TNIP1: variants seen among roughly 807,000 people sequenced by gnomAD.
TNIP1 encodes TNFAIP3-interacting protein 1.
Under a neutral mutation model 86.6 loss-of-function variants are expected in TNIP1, and 22 were observed. The observed-to-expected ratio is 0.25, with a 90% CI of 0.18 to 0.36. TNIP1 has a LOEUF of 0.36. Among genes scored for constraint, TNIP1 ranks in the 10% least tolerant of loss-of-function variants. The pLI is 1.00. For missense variants in TNIP1, 709 were observed against 820.6 expected (o/e 0.86, Z 1.66); for synonymous variants, 294 against 313.0 (o/e 0.94, Z 0.64).
intron 6 of TNIP1, among the ~76,000 whole-genome samples, chr5:151,056,168 A>G (rs1760632758): frequency 6.6e-6 from 1 of 152,220 alleles, no homozygotes; most frequent in East Asian, 1.9e-4. Flanking sequence ...AAGGGTCACT[A>G]CTGGAACCAA....
intron 1 of TNIP1, among the ~76,000 whole-genome samples, chr5:151,067,626 A>G (rs1208216503): frequency 6.6e-6 from 1 of 152,190 alleles, no homozygotes; most frequent in East Asian, 1.9e-4. Context: ...TTCTTACTCA[A>G]TGTCTGCCTT....
In TNIP1 at chr5:151,049,855, G is replaced by A; in HGVS notation, c.815C>T (p.Thr272Ile). 6.2e-7 allele frequency: 1 copy of A among 1,614,180 alleles called. No homozygotes were observed. The highest frequency in any genetic ancestry group is 8.5e-7 in the Non-Finnish European group (1 of 1,180,024). Residue 272 changes from threonine to isoleucine, a missense_variant, in exon 8 of 18, where the codon ACA (threonine) becomes ATA (isoleucine). Physicochemically the swap from Thr to Ile is moderately conservative, Grantham distance 89 (BLOSUM62 -1). Coordinates refer to ENST00000521591, the MANE Select transcript of TNIP1 (RefSeq NM_006058.5). ...GRPGSPKMEG[T>I]GKKAVAGQQQ... is the part of the protein sequence containing the mutation. ...CTGTCCAGCCACTGCCTTCTTGCCT[G>A]TCCCTTCCATCTTCGGTGAGCCTGG...
chr5:151,061,732 C>T (rs900786750), intron 4 of TNIP1, among the ~76,000 whole-genome samples: 4 of 152,206 alleles, frequency 2.6e-5, no homozygotes, highest in African/African-American at 9.6e-5. Context: ...CCTGCCTCAG[C>T]CTCCCCAAGT....
intron 11 of TNIP1, 86 bp from the exon 12 acceptor site, chr5:151,039,311 A>T: frequency 2.7e-6 from 4 of 1,464,134 alleles, no homozygotes; most frequent in Non-Finnish European, 3.6e-6. Context: ...CCCAGCCCTT[A>T]CGTTCTCCCC....
chr5:151,069,577 C>T (rs899737609), intron 1 of TNIP1, among the ~76,000 whole-genome samples: 1 of 152,030 alleles, frequency 6.6e-6, no homozygotes, highest in African/African-American at 2.4e-5. Flanking sequence ...CAGGTGATGC[C>T]CTCCCTGGCC....
rs142393672 is a variant in TNIP1 at position 151,059,866 on chromosome 5, T to TGTGTGTGC, written c.435+451_435+452insGCACACAC. The stretch of plus-strand genomic sequence containing the variant: ...GTGTGTGTGTGTGTGTGTGTGTGTG[T>TGTGTGTGC]GCGCGCGCGCGCGCGCATGCGTGTA... On this transcript the variant is annotated intron_variant, in intron 5 of 17. Coordinates refer to ENST00000521591, the MANE Select transcript of TNIP1 (RefSeq NM_006058.5). 2.1e-3 allele frequency among the ~76,000 whole-genome samples: 177 copies of TGTGTGTGC among 82,646 alleles called. 2 individuals carry two copies. Among genetic ancestry groups the TGTGTGTGC allele is most frequent in the Non-Finnish European group, 3.2e-3 (138 of 43,570 alleles). 54.2% of individuals were successfully genotyped at this position (82,646 alleles called of 152,430 possible). A position where few individuals can be genotyped will look rare whatever the true frequency, so the allele number is the denominator to read the frequency against.
intron 9 of TNIP1, among the ~76,000 whole-genome samples, 155 bp from the exon 10 acceptor site, chr5:151,043,116 A>G (rs559605738): frequency 2.0e-5 from 3 of 152,268 alleles, no homozygotes; most frequent in Non-Finnish European, 2.9e-5. Context: ...CGAAAACTCA[A>G]TGTTGCTCAA....
At chr5:151,075,274 T>C (rs1382704246) in intron 1 of TNIP1, among the ~76,000 whole-genome samples, 1 of 152,220 alleles carries the variant, frequency 6.6e-6, no homozygotes, top group Non-Finnish European at 1.5e-5. Context: ...AGCATGTAGG[T>C]GCCTGCGTGT....
intron 5 of TNIP1, among the ~76,000 whole-genome samples, chr5:151,057,270 G>A (rs779814919): frequency 7.9e-5 from 12 of 152,130 alleles, no homozygotes; most frequent in Non-Finnish European, 1.2e-4. Context: ...CCAAATGTCC[G>A]CACAACCCTT....
Position 151,065,074 on chromosome 5 carries a change from G to A in TNIP1, c.22C>T (p.Arg8Trp), listed in dbSNP as rs761467166. The A allele has an allele frequency of 1.3e-5, 21 of 1,613,848 alleles. No homozygotes were observed. Among genetic ancestry groups the A allele is most frequent in the Admixed American group, 1.2e-4 (7 of 60,010 alleles). The change falls in exon 2 of 18, where the codon CGG becomes TGG. Residue 8 changes from arginine to tryptophan, a missense_variant. Physicochemically the swap from Arg to Trp is moderately radical, Grantham distance 101. Transcript: ENST00000521591. MEGRGPY[R>W]IYDPGGSVPS... Reference sequence around the variant, plus strand: ...ACGCTGCCCCCAGGGTCGTAGATCCGGTACGGTCCTCTCCCTTCCATGAGG... The same window carrying A: ...ACGCTGCCCCCAGGGTCGTAGATCCAGTACGGTCCTCTCCCTTCCATGAGG...
intron 8 of TNIP1, among the ~76,000 whole-genome samples, chr5:151,047,810 A>G (rs1000720993): frequency 3.3e-5 from 5 of 152,012 alleles, no homozygotes; most frequent in Non-Finnish European, 7.4e-5. Context: ...GGACACCAAG[A>G]CCCTCGTCTT....
intron 7 of TNIP1, 35 bp downstream of exon 7, chr5:151,052,130 A>G (rs1235613478): frequency 6.3e-7 from 1 of 1,595,478 alleles, no homozygotes; most frequent in East Asian, 2.2e-5. Context: ...TGCAGCCCCC[A>G]CTCCTCACCC....
intron 1 of TNIP1, chr5:151,079,935 G>GA (rs1274716953): frequency 6.6e-6 from 1 of 151,698 alleles, no homozygotes; most frequent in African/African-American, 2.4e-5. Context: ...ACCGTACTGT[G>GA]AGAAAAAAAT....
At position 151,044,734 on chromosome 5, in the gene TNIP1, G is replaced by A. The variant is rs143148218; in HGVS notation, c.936+1127C>T. ...GTCTACCAAAAAGGAGCTGCACTTC[G>A]ACCTCGGGTCTGGAAAGACTGGACT... On this transcript the variant is annotated intron_variant, in intron 9 of 17. Transcript: ENST00000521591. Among the ~76,000 whole-genome samples the A allele has an allele frequency of 5.6e-3, 851 of 152,258 alleles. 6 individuals are homozygous for A. The highest frequency in any genetic ancestry group is 0.017 in the Middle Eastern group (5 of 294).
At chr5:151,059,171 G>A (rs1761063409) in intron 5 of TNIP1, among the ~76,000 whole-genome samples, 1 of 152,252 alleles carries the variant, frequency 6.6e-6, no homozygotes, top group Non-Finnish European at 1.5e-5. Context: ...CAGGCACACT[G>A]TAGAGCTAAT....
intron 5 of TNIP1, among the ~76,000 whole-genome samples, chr5:151,059,548 G>A (rs1352229711): frequency 6.6e-6 from 1 of 152,146 alleles, no homozygotes; most frequent in African/African-American, 2.4e-5. Context: ...AGCACCTATT[G>A]CTCGCATAAC....
chr5:151,058,961 C>T (rs535142428), intron 5 of TNIP1, among the ~76,000 whole-genome samples: 29 of 152,282 alleles, frequency 1.9e-4, no homozygotes, highest in African/African-American at 6.0e-4. Context: ...GTCAGTGTGC[C>T]GCATTCTAAC....
In TNIP1 at chr5:151,064,941, G is replaced by C. The variant is rs768665743; in HGVS notation, c.136+19C>G. ...TGCAGGGAGGGGCGCTCGCAGGGAG[G>C]GGACAGGGTCTGCTTTACCTAACAT... On this transcript the variant is annotated intron_variant, in intron 2 of 17. Transcript: ENST00000521591. 1.2e-6 allele frequency: 2 copies of C among 1,613,706 alleles called. No individual in the cohort carries two copies. Among genetic ancestry groups the C allele is most frequent in the African/African-American group, 1.3e-5 (1 of 74,912 alleles).
intron 12 of TNIP1, among the ~76,000 whole-genome samples, chr5:151,038,643 T>A (rs1248392647): frequency 1.3e-5 from 2 of 152,162 alleles, no homozygotes; most frequent in Non-Finnish European, 2.9e-5. Flanking sequence ...TGCCAGGCGC[T>A]GTACAAGGCG....
Sources: gnomAD v4.1 joint callset for allele counts (sites outside exome capture counted in the v4.1 genomes callset) on GRCh38, gnomAD v4.1.1 for gene constraint, MANE v1.5 for transcripts, NCBI Gene and HGNC (gene_info 2026-07-23, HGNC 2026-07-21) for gene names.